The following COL25A1 variants were observed in gnomAD, a reference collection of about 807,000 sequenced individuals.
The protein encoded by COL25A1 is collagen alpha-1(XXV) chain.
COL25A1 carries 103 observed loss-of-function variants against 128.4 expected under a neutral mutation model. The observed-to-expected ratio is 0.80, with a 90% CI of 0.68 to 0.94. The LOEUF (loss-of-function observed/expected upper bound fraction) is 0.94. Ranked by LOEUF, COL25A1 falls within the 40% of genes least tolerant of loss-of-function variation. The pLI is 0.00. For missense variants in COL25A1, 745 were observed against 840.0 expected (o/e 0.89, Z 1.40); for synonymous variants, 279 against 277.2 (o/e 1.01, Z -0.06).
chr4:109,031,199 C>T (rs921187839), intron 5 of COL25A1, among the ~76,000 whole-genome samples: 2 of 152,208 alleles, frequency 1.3e-5, no homozygotes, highest in South Asian at 2.1e-4. Flanking sequence ...GCAAGCTCCA[C>T]CTCCCGGGTC....
At chr4:109,250,400 G>A (rs1780570598) in intron 3 of COL25A1, among the ~76,000 whole-genome samples, 1 of 58,490 alleles carries the variant, frequency 1.7e-5, no homozygotes, top group African/African-American at 1.9e-4. Context: ...ACACACATAT[G>A]GGGAGAGAGA....
intron 6 of COL25A1, among the ~76,000 whole-genome samples, chr4:108,986,039 T>G (rs1277031885): frequency 2.0e-5 from 3 of 152,210 alleles, no homozygotes; most frequent in Non-Finnish European, 4.4e-5. Context: ...TTATATTTGA[T>G]TCACTTAACT....
At chr4:109,300,760 T>C in intron 2 of COL25A1, 108 bp from the exon 3 acceptor site, 1 of 731,162 alleles carries the variant, frequency 1.4e-6, no homozygotes, top group South Asian at 1.7e-5. Flanking sequence ...ATAACCTGCA[T>C]AACTAACATT....
intron 8 of COL25A1, among the ~76,000 whole-genome samples, chr4:108,971,747 C>A (rs1349374527): frequency 6.6e-6 from 1 of 152,084 alleles, no homozygotes; most frequent in Non-Finnish European, 1.5e-5. Context: ...GATCTCTCTG[C>A]CTGCTGTGTA....
chr4:108,841,645 T>A (rs2125750702), intron 31 of COL25A1, 50 bp downstream of exon 31: 1 of 1,495,780 alleles, frequency 6.7e-7, no homozygotes, highest in African/African-American at 1.4e-5. Flanking sequence ...TGCTTCTCCA[T>A]GATTATCAAG....
rs1300939842 is a variant in COL25A1, at chr4:109,197,493, TAAA to T, written c.367+103087_367+103089del. The stretch of plus-strand genomic sequence containing the variant: ...TATAATATATATTATATATTATATA[TAAA>T]TATATATTATATAATATTTATATAT... On this transcript the variant is annotated intron_variant, in intron 3 of 37. Coordinates refer to ENST00000399132, the MANE Select transcript of COL25A1 (RefSeq NM_198721.4). Among the ~76,000 whole-genome samples the T allele has an allele frequency of 1.4e-3, 180 of 127,686 alleles. 1 individual carries two copies. Among genetic ancestry groups the T allele is most frequent in the African/African-American group, 4.8e-3 (164 of 34,198 alleles). The allele number at this position is 127,686 out of a possible 152,430, so 83.8% of individuals were successfully genotyped here. A position where few individuals can be genotyped will look rare whatever the true frequency, so the allele number is the denominator to read the frequency against.
At chr4:109,122,802 C>T (rs1473303736) in intron 3 of COL25A1, among the ~76,000 whole-genome samples, 4 of 152,036 alleles carry the variant, frequency 2.6e-5, no homozygotes, top group Non-Finnish European at 2.9e-5. Flanking sequence ...TAAGCAATAA[C>T]TTTCCAGGAA....
intron 4 of COL25A1, among the ~76,000 whole-genome samples, chr4:109,049,221 A>C (rs1313294708): frequency 6.6e-6 from 1 of 152,198 alleles, no homozygotes; most frequent in African/African-American, 2.4e-5. Flanking sequence ...AATATTGAAA[A>C]ATACTTAGAG....
chr4:108,830,669 C>A (rs530358535), intron 32 of COL25A1, among the ~76,000 whole-genome samples: 1 of 152,246 alleles, frequency 6.6e-6, no homozygotes, highest in African/African-American at 2.4e-5. Context: ...AAATTCTTAG[C>A]AATTTCATTT....
intron 3 of COL25A1, among the ~76,000 whole-genome samples, chr4:109,064,402 A>C (rs1762238012): frequency 6.6e-6 from 1 of 152,364 alleles, no homozygotes; most frequent in Non-Finnish European, 1.5e-5. Context: ...ATAATTACAA[A>C]GTTCTACAAG....
At chr4:109,049,683 G>C (rs372176098) in intron 4 of COL25A1, among the ~76,000 whole-genome samples, 5 of 152,174 alleles carry the variant, frequency 3.3e-5, no homozygotes, top group African/African-American at 1.2e-4. Context: ...TGACAGAATT[G>C]TGCCAATTGG....
chr4:108,819,703 A>T, intron 35 of COL25A1: 1 of 477,094 alleles, frequency 2.1e-6, no homozygotes, highest in African/African-American at 2.0e-5. Flanking sequence ...AGTCCATGTT[A>T]AATGAGCCCA....
intron 3 of COL25A1, among the ~76,000 whole-genome samples, chr4:109,102,619 G>A (rs1289367941): frequency 6.6e-6 from 1 of 151,958 alleles, no homozygotes; most frequent in African/African-American, 2.4e-5. Flanking sequence ...AAAATTGTGG[G>A]ATTTTTCTAT....
intron 19 of COL25A1, among the ~76,000 whole-genome samples, chr4:108,880,743 C>T (rs528703355): frequency 3.9e-5 from 6 of 152,304 alleles, no homozygotes; most frequent in Admixed American, 6.5e-5. Flanking sequence ...AGGATCTGCA[C>T]ATTGGTGGTC....
intron 11 of COL25A1, 137 bp downstream of exon 11, chr4:108,937,671 T>C: frequency 1.6e-6 from 1 of 619,564 alleles, no homozygotes. Flanking sequence ...TAGTAGGCCA[T>C]ATTACTTTTA....
chr4:109,257,381 C>T (rs1781150066), intron 3 of COL25A1, among the ~76,000 whole-genome samples: 1 of 152,138 alleles, frequency 6.6e-6, no homozygotes, highest in South Asian at 2.1e-4. Flanking sequence ...AATTACTGTG[C>T]TATTCATCTA....
At position 109,153,189 on chromosome 4, in the gene COL25A1, C is replaced by A. The variant is rs112189037; in HGVS notation, c.368-103010G>T. Among the ~76,000 whole-genome samples the A allele has an allele frequency of 1.4e-3, 207 of 151,670 alleles. 1 individual carries two copies. The highest frequency in any genetic ancestry group is 4.9e-3 in the African/African-American group (201 of 41,330). On this transcript the variant is annotated intron_variant, in intron 3 of 37. Coordinates refer to ENST00000399132, the MANE Select transcript of COL25A1 (RefSeq NM_198721.4). ...TCTCCTGAGGTCGGGAGTTCGAGAC[C>A]AGCCTGACCAACATGGAGAAACCTC...
chr4:109,201,973 A>C (rs1776588895), intron 3 of COL25A1, among the ~76,000 whole-genome samples: 1 of 152,198 alleles, frequency 6.6e-6, no homozygotes, highest in South Asian at 2.1e-4. Flanking sequence ...AAGACATCAA[A>C]GAACCAAATA....
intron 3 of COL25A1, among the ~76,000 whole-genome samples, chr4:109,299,566 A>T (rs531049687): frequency 1.3e-5 from 2 of 152,164 alleles, no homozygotes; most frequent in Non-Finnish European, 2.9e-5. Context: ...TGAGGGGGAA[A>T]CGTTTCAGAA....
Sources: allele counts gnomAD v4.1 joint callset (sites outside exome capture counted in the v4.1 genomes callset), GRCh38; gene constraint gnomAD v4.1.1; transcripts MANE v1.5; gene names NCBI Gene and HGNC (gene_info 2026-07-23, HGNC 2026-07-21).